The following PDE7A variants were observed in gnomAD, a reference collection of about 807,000 sequenced individuals.
PDE7A encodes the protein high affinity 3',5'-cyclic-AMP phosphodiesterase 7A.
In PDE7A, 39 loss-of-function variants were observed where a neutral mutation model predicts 64.3. That is an observed-to-expected ratio of 0.61 (90% confidence interval 0.47 to 0.79). The LOEUF (loss-of-function observed/expected upper bound fraction) is 0.79, where lower values mean the gene tolerates loss of function less well. Among genes scored for constraint, PDE7A ranks in the 30% least tolerant of loss-of-function variants. The pLI, the probability that PDE7A is intolerant of heterozygous loss-of-function variation, is 0.00. For synonymous variants in PDE7A, 203 were observed against 206.8 expected (o/e 0.98, Z 0.16); for missense variants, 470 against 582.8 (o/e 0.81, Z 1.99).
At chr8:65,822,246 G>A (rs1810559751) in intron 1 of PDE7A, among the ~76,000 whole-genome samples, 2 of 152,186 alleles carry the variant, frequency 1.3e-5, no homozygotes, top group Non-Finnish European at 2.9e-5. Context: ...AGCTTTATAT[G>A]AGAGACTGTG....
chr8:65,721,772 T>C (rs975579239), intron 12 of PDE7A: 1 of 151,982 alleles, frequency 6.6e-6, no homozygotes, highest in African/African-American at 2.4e-5. Context: ...GATTCACCTG[T>C]CTTCGATTCA....
intron 3 of PDE7A, among the ~76,000 whole-genome samples, chr8:65,776,452 C>T (rs1295094764): frequency 6.6e-6 from 1 of 152,104 alleles, no homozygotes; most frequent in Non-Finnish European, 1.5e-5. Flanking sequence ...GATTTTTTCA[C>T]TGTGATTTCA....
rs192983743 is a variant in PDE7A, at chr8:65,777,306, C to T, written c.283+2414G>A. Among the ~76,000 whole-genome samples the T allele has an allele frequency of 1.1e-3, 160 of 151,768 alleles. 3 individuals are homozygous for T. In the East Asian group the frequency reaches 0.025, roughly 24 times the overall value. On this transcript the variant is annotated intron_variant, in intron 3 of 12. Transcript: ENST00000401827. ...GTTGGTCAGGCTGGTCTCGAACTCCCGACCTCAGATGATCCGCCCGCCTCA... is the reference window on the plus strand; with the variant it reads ...GTTGGTCAGGCTGGTCTCGAACTCCTGACCTCAGATGATCCGCCCGCCTCA...
chr8:65,730,686 G>A (rs1270180515), intron 7 of PDE7A, among the ~76,000 whole-genome samples: 2 of 152,112 alleles, frequency 1.3e-5, no homozygotes, highest in Non-Finnish European at 2.9e-5. Context: ...CCAGCACTTT[G>A]CAGGGCCAAG....
intron 1 of PDE7A, among the ~76,000 whole-genome samples, chr8:65,792,999 T>TA (rs954571346): frequency 5.0e-4 from 74 of 147,504 alleles, no homozygotes; most frequent in South Asian, 6.4e-4. Flanking sequence ...TATAAAGAAG[T>TA]AAAAAAAAAA....
chr8:65,724,310 C>G lies in PDE7A; in HGVS notation c.1107G>C (p.Thr369=), dbSNP rs200682112. 7 of 1,612,808 alleles carry G rather than the reference C, an allele frequency of 4.3e-6. No individual in the cohort carries two copies. The highest frequency in any genetic ancestry group is 5.1e-6 in the Non-Finnish European group (6 of 1,179,084). ...CACTCCACTGCTTGCTTAATTCCCA[C>G]GTCCGACATGGGTTACAAATATCAG... ...KCADICNPCR[T]WELSKQWSEK... Residue 369 remains threonine (T), a synonymous_variant, in exon 11 of 13, where the codon ACG becomes ACC. Transcript: ENST00000401827.
intron 4 of PDE7A, among the ~76,000 whole-genome samples, chr8:65,747,100 T>G (rs1038371790): frequency 6.6e-6 from 1 of 152,184 alleles, no homozygotes; most frequent in African/African-American, 2.4e-5. Context: ...CTATGATACA[T>G]CTAAACCCTC....
intron 3 of PDE7A, among the ~76,000 whole-genome samples, chr8:65,767,965 T>G (rs1015729095): frequency 6.6e-6 from 1 of 151,990 alleles, no homozygotes; most frequent in Non-Finnish European, 1.5e-5. Context: ...GTGTCTGGGT[T>G]TTGGGGGCTG....
At chr8:65,838,912 T>C (rs563513710) in intron 1 of PDE7A, among the ~76,000 whole-genome samples, 14 of 152,326 alleles carry the variant, frequency 9.2e-5, no homozygotes, top group South Asian at 4.1e-4. Context: ...CAAATCAATT[T>C]TGGTCACTCG....
chr8:65,763,091 C>T (rs975426192), intron 3 of PDE7A, among the ~76,000 whole-genome samples: 3 of 147,722 alleles, frequency 2.0e-5, no homozygotes, highest in East Asian at 4.1e-4. Flanking sequence ...AATAAATTAG[C>T]CACTCGTAAT....
At chr8:65,819,841 G>A (rs551962459) in intron 1 of PDE7A, among the ~76,000 whole-genome samples, 20 of 152,274 alleles carry the variant, frequency 1.3e-4, no homozygotes, top group Admixed American at 9.8e-4. Context: ...AGGCATAGCC[G>A]TGTCACTAAG....
chr8:65,790,108 G>A (rs976974459), intron 1 of PDE7A, among the ~76,000 whole-genome samples: 6 of 152,330 alleles, frequency 3.9e-5, no homozygotes, highest in Admixed American at 1.3e-4. Flanking sequence ...TTGTGCAGAC[G>A]AAGAACAGGC....
At chr8:65,801,384 C>T (rs972373686) in intron 1 of PDE7A, among the ~76,000 whole-genome samples, 4 of 152,006 alleles carry the variant, frequency 2.6e-5, no homozygotes, top group Admixed American at 6.6e-5. Flanking sequence ...CTGACAAAAA[C>T]AGTAAAAGAA....
intron 12 of PDE7A, chr8:65,721,825 G>T (rs1158241274): frequency 1.4e-5 from 2 of 141,016 alleles, no homozygotes; most frequent in Non-Finnish European, 3.0e-5. Flanking sequence ...TTTTGAGATG[G>T]AGTGATGGAG....
At chr8:65,840,758 CT>C (rs1389857312) in intron 1 of PDE7A, among the ~76,000 whole-genome samples, 1 of 152,234 alleles carries the variant, frequency 6.6e-6, no homozygotes, top group East Asian at 1.9e-4. Flanking sequence ...CTAAAATCTC[CT>C]TATCAAATTA....
At chr8:65,831,325 G>GA (rs1810815790) in intron 1 of PDE7A, among the ~76,000 whole-genome samples, 1 of 152,020 alleles carries the variant, frequency 6.6e-6, no homozygotes, top group African/African-American at 2.4e-5. Flanking sequence ...GTTTTTGAAA[G>GA]AAGAAAGAAA....
chr8:65,785,578 C>T (rs956120758), intron 1 of PDE7A, among the ~76,000 whole-genome samples: 1 of 152,136 alleles, frequency 6.6e-6, no homozygotes, highest in African/African-American at 2.4e-5. Flanking sequence ...ACATATTTAG[C>T]TTACTAGATT....
At chr8:65,800,408 A>T (rs996628477) in intron 1 of PDE7A, among the ~76,000 whole-genome samples, 3 of 152,120 alleles carry the variant, frequency 2.0e-5, no homozygotes, top group Non-Finnish European at 4.4e-5. Flanking sequence ...AGATATCTCA[A>T]CCTTTTAAAC....
intron 3 of PDE7A, among the ~76,000 whole-genome samples, chr8:65,750,245 GCCGACACA>G (rs1261059849): frequency 6.6e-6 from 1 of 152,160 alleles, no homozygotes; most frequent in Non-Finnish European, 1.5e-5. Flanking sequence ...ATGCATTAGA[GCCGACACA>G]CTTAGAAAAC....
Sources: gnomAD v4.1 joint callset for allele counts (sites outside exome capture counted in the v4.1 genomes callset) on GRCh38, gnomAD v4.1.1 for gene constraint, MANE v1.5 for transcripts, NCBI Gene and HGNC (gene_info 2026-07-23, HGNC 2026-07-21) for gene names.